The following CADM2 variants were observed in gnomAD, a reference collection of about 807,000 sequenced individuals.
CADM2 encodes the protein cell adhesion molecule 2, also known as immunoglobulin superfamily member 4D.
A neutral mutation model predicts 49.8 loss-of-function variants in CADM2; 12 were observed. That is an observed-to-expected ratio of 0.24 (90% CI 0.15 to 0.39). The LOEUF (loss-of-function observed/expected upper bound fraction) is 0.39. CADM2 is among the 10% of genes least tolerant of loss of function. CADM2 has a pLI of 1.00. For missense variants in CADM2, 378 were observed against 492.3 expected (o/e 0.77, Z 2.20); for synonymous variants, 214 against 175.4 (o/e 1.22, Z -1.74).
intron 1 of CADM2, among the ~76,000 whole-genome samples, chr3:85,272,269 G>C (rs1229062321): frequency 1.3e-5 from 2 of 151,140 alleles, no homozygotes; most frequent in Non-Finnish European, 3.0e-5. Context: ...GTTTAAAGTG[G>C]AGTAAAAATA....
intron 1 of CADM2, among the ~76,000 whole-genome samples, chr3:85,468,046 T>A (rs967319235): frequency 2.8e-5 from 4 of 145,386 alleles, no homozygotes; most frequent in Non-Finnish European, 1.5e-5. Flanking sequence ...CCCAGCTACT[T>A]GGGAGGCTGA....
At chr3:85,787,484 G>C (rs553143867) in intron 2 of CADM2, among the ~76,000 whole-genome samples, 26 of 152,158 alleles carry the variant, frequency 1.7e-4, no homozygotes, top group Non-Finnish European at 2.9e-4. Context: ...TGTTGGACAA[G>C]GGGTATTGGT....
At chr3:85,073,788 C>T (rs2036843113) in intron 1 of CADM2, among the ~76,000 whole-genome samples, 2 of 152,042 alleles carry the variant, frequency 1.3e-5, no homozygotes, top group East Asian at 3.9e-4. Context: ...GTATTTCACA[C>T]TGACAGCACC....
intron 1 of CADM2, among the ~76,000 whole-genome samples, chr3:85,029,300 A>G (rs2034874024): frequency 6.6e-6 from 1 of 152,226 alleles, no homozygotes; most frequent in Non-Finnish European, 1.5e-5. Context: ...TATGAGCTGA[A>G]TTATTCATGC....
chr3:85,817,350 A>C (rs1300883690), intron 3 of CADM2, among the ~76,000 whole-genome samples: 1 of 152,186 alleles, frequency 6.6e-6, no homozygotes, highest in Admixed American at 6.6e-5. Context: ...CAGCAGTGCA[A>C]ATCTATACAT....
At chr3:85,893,268 G>A (rs1333895473) in intron 5 of CADM2, among the ~76,000 whole-genome samples, 2 of 152,050 alleles carry the variant, frequency 1.3e-5, no homozygotes, top group Non-Finnish European at 2.9e-5. Context: ...TTTAATAAAT[G>A]GTGCTAGGAA....
rs544612312 is a variant in CADM2, at chr3:85,809,305, T to C, written c.238+7109T>C. On this transcript the variant is annotated intron_variant, in intron 3 of 9. Coordinates refer to ENST00000383699, the MANE Select transcript of CADM2 (RefSeq NM_001167675.2). ...ACAAAGCAATGAAGAGACTTGAGTT[T>C]TCTGGCCAGGTGAGGTGGCTCACAC... Among the ~76,000 whole-genome samples the C allele has an allele frequency of 2.0e-5, 3 of 152,178 alleles. No individual in the cohort carries two copies. The East Asian group carries it at 5.8e-4, about 29-fold the overall frequency.
At chr3:85,133,556 C>T (rs2039304923) in intron 1 of CADM2, among the ~76,000 whole-genome samples, 1 of 150,654 alleles carries the variant, frequency 6.6e-6, no homozygotes, top group Non-Finnish European at 1.5e-5. Context: ...CTACAGAGTG[C>T]CCACTGGTGT....
intron 1 of CADM2, among the ~76,000 whole-genome samples, chr3:85,650,509 A>G: frequency 6.8e-6 from 1 of 147,986 alleles, no homozygotes; most frequent in Non-Finnish European, 1.5e-5. Context: ...AGTGATCAGA[A>G]AAAAAAAAAA....
intron 7 of CADM2, among the ~76,000 whole-genome samples, chr3:85,943,928 A>G (rs989231985): frequency 1.3e-5 from 2 of 151,992 alleles, no homozygotes; most frequent in African/African-American, 4.8e-5. Context: ...AACAATATTA[A>G]CCTTAAATGC....
intron 2 of CADM2, among the ~76,000 whole-genome samples, chr3:85,772,520 CT>C (rs2070146463): frequency 6.6e-6 from 1 of 152,062 alleles, no homozygotes; most frequent in Non-Finnish European, 1.5e-5. Flanking sequence ...GTATATATTT[CT>C]AACTCAATTT....
At chr3:85,452,890 C>A (rs1576582956) in intron 1 of CADM2, among the ~76,000 whole-genome samples, 1 of 152,020 alleles carries the variant, frequency 6.6e-6, no homozygotes, top group African/African-American at 2.4e-5. Flanking sequence ...AGGAAGAATC[C>A]CAGCTCATAT....
intron 1 of CADM2, among the ~76,000 whole-genome samples, chr3:85,331,282 C>A (rs2044915454): frequency 6.6e-6 from 1 of 151,964 alleles, no homozygotes; most frequent in South Asian, 2.1e-4. Flanking sequence ...TCCTAACTCC[C>A]ACTACCCTTC....
chr3:85,413,970 T>G (rs1202486715), intron 1 of CADM2, among the ~76,000 whole-genome samples: 1 of 152,118 alleles, frequency 6.6e-6, no homozygotes, highest in Non-Finnish European at 1.5e-5. Context: ...GTTCAAGCGA[T>G]TCTTCTTCCT....
chr3:85,246,770 A>G (rs1000954296), intron 1 of CADM2, among the ~76,000 whole-genome samples: 1 of 152,128 alleles, frequency 6.6e-6, no homozygotes, highest in Non-Finnish European at 1.5e-5. Flanking sequence ...ATTCTTTATT[A>G]TCAGTGGGTA....
chr3:85,093,463 G>C (rs1025733445), intron 1 of CADM2, among the ~76,000 whole-genome samples: 1 of 144,198 alleles, frequency 6.9e-6, no homozygotes, highest in South Asian at 2.2e-4. Flanking sequence ...GTTGCAGTGA[G>C]CCGAGATCAC....
intron 6 of CADM2, among the ~76,000 whole-genome samples, chr3:85,931,921 AATT>A (rs916798340): frequency 2.4e-4 from 37 of 151,324 alleles, no homozygotes; most frequent in Middle Eastern, 3.4e-3. Flanking sequence ...TAATTATTAA[AATT>A]ATTAAATGGT....
intron 7 of CADM2, among the ~76,000 whole-genome samples, chr3:85,959,963 TGCC>T (rs140138550): frequency 0.013 from 2,049 of 152,026 alleles, 28 homozygotes; most frequent in Non-Finnish European, 0.021. Flanking sequence ...AGGAGTTTCT[TGCC>T]AGGAAACTCT....
intron 1 of CADM2, among the ~76,000 whole-genome samples, chr3:85,531,824 C>T (rs1402109955): frequency 3.3e-5 from 5 of 152,076 alleles, no homozygotes; most frequent in Non-Finnish European, 5.9e-5. Context: ...CCTCTAATTG[C>T]TTGTGATAAT....
Sources: allele counts gnomAD v4.1 joint callset (sites outside exome capture counted in the v4.1 genomes callset), GRCh38; gene constraint gnomAD v4.1.1; transcripts MANE v1.5; gene names NCBI Gene and HGNC (gene_info 2026-07-23, HGNC 2026-07-21).